Variants in PKIB observed in about 807,000 individuals in gnomAD.
PKIB encodes the protein cAMP-dependent protein kinase inhibitor beta.
A neutral mutation model predicts 4.5 loss-of-function variants in PKIB; 2 were observed. The observed-to-expected ratio is 0.44, with a 90% CI of 0.18 to 1.39. The LOEUF is 1.39. Among genes scored for constraint, PKIB ranks in the 40% most tolerant of loss-of-function variants. The pLI is 0.27. For synonymous variants in PKIB, 38 were observed against 36.0 expected, an observed-to-expected ratio of 1.06 and a Z score of -0.20; for missense variants, 94 against 92.6, an observed-to-expected ratio of 1.02 and a Z score of -0.06.
chr6:122,565,416 A>T (rs940709008), intron 2 of PKIB, among the ~76,000 whole-genome samples: 1 of 152,174 alleles, frequency 6.6e-6, no homozygotes, highest in Non-Finnish European at 1.5e-5. Context: ...GGTTATTTGA[A>T]TCTCAGCTGT....
At chr6:122,540,899 C>T (rs1305759019) in intron 2 of PKIB, among the ~76,000 whole-genome samples, 4 of 151,048 alleles carry the variant, frequency 2.6e-5, no homozygotes, top group African/African-American at 4.9e-5. Context: ...GGATAGTTAG[C>T]TCTTCTTGTT....
At chr6:122,596,332 C>A (rs966723694) in intron 3 of PKIB, among the ~76,000 whole-genome samples, 1 of 152,182 alleles carries the variant, frequency 6.6e-6, no homozygotes, top group Non-Finnish European at 1.5e-5. Context: ...ATGAGGCCAT[C>A]GGTGCAGGCT....
chr6:122,704,290 T>C (rs1026046801), intron 3 of PKIB, among the ~76,000 whole-genome samples: 5 of 152,224 alleles, frequency 3.3e-5, no homozygotes, highest in African/African-American at 9.6e-5. Flanking sequence ...ATGTTAATCT[T>C]TTCTGGAAAC....
At position 122,533,331 on chromosome 6, in the gene PKIB, A is replaced by T. The variant is rs563131701; in HGVS notation, c.-247-52590A>T. Among the ~76,000 whole-genome samples, 339 of 151,996 alleles carry T rather than the reference A, an allele frequency of 2.2e-3. 2 individuals carry two copies. Among genetic ancestry groups the T allele is most frequent in the African/African-American group, 7.5e-3 (313 of 41,470 alleles). On this transcript the variant is annotated intron_variant, in intron 2 of 6. Coordinates refer to the PKIB transcript ENST00000392491. The stretch of plus-strand genomic sequence containing the variant: ...ACTATAGGCGTATACCACCGTGCCT[A>T]GCTAATTTGTGTATTTTTTGTAGAA...
At chr6:122,531,839 C>T (rs2114618318) in intron 2 of PKIB, among the ~76,000 whole-genome samples, 1 of 152,302 alleles carries the variant, frequency 6.6e-6, no homozygotes, top group South Asian at 2.1e-4. Context: ...CTTTAGCACT[C>T]AGCATTGTGC....
At chr6:122,534,932 T>G (rs938273917) in intron 2 of PKIB, among the ~76,000 whole-genome samples, 9 of 152,200 alleles carry the variant, frequency 5.9e-5, no homozygotes, top group African/African-American at 2.2e-4. Flanking sequence ...TCTCCAGATT[T>G]GTGATATCCT....
chr6:122,695,420 G>A (rs557254217), intron 3 of PKIB, among the ~76,000 whole-genome samples: 10 of 113,538 alleles, frequency 8.8e-5, no homozygotes, highest in African/African-American at 2.6e-4. Flanking sequence ...TAGGTATAGA[G>A]AACAAAAAAT....
At chr6:122,634,063 G>A (rs1414210114) in intron 2 of PKIB, among the ~76,000 whole-genome samples, 2 of 151,910 alleles carry the variant, frequency 1.3e-5, no homozygotes, top group East Asian at 1.9e-4. Context: ...TCATATTGCA[G>A]TCTTATTAGT....
intron 4 of PKIB, among the ~76,000 whole-genome samples, chr6:122,721,529 A>G (rs1407424229): frequency 6.6e-6 from 1 of 152,096 alleles, no homozygotes; most frequent in African/African-American, 2.4e-5. Context: ...TCTCTCATTT[A>G]TTTGGCCATC....
At chr6:122,713,598 T>A (rs930262394) in intron 3 of PKIB, among the ~76,000 whole-genome samples, 5 of 152,188 alleles carry the variant, frequency 3.3e-5, no homozygotes, top group Non-Finnish European at 7.4e-5. Context: ...GAGAGATGGC[T>A]ACTGGGGGAA....
chr6:122,554,633 T>G (rs1286162414), intron 2 of PKIB, among the ~76,000 whole-genome samples: 1 of 152,230 alleles, frequency 6.6e-6, no homozygotes, highest in African/African-American at 2.4e-5. Flanking sequence ...ACAGCCAGTA[T>G]GTTGGAAAAC....
chr6:122,613,101 A>T (rs1202585343), intron 1 of PKIB, among the ~76,000 whole-genome samples: 1 of 152,222 alleles, frequency 6.6e-6, no homozygotes, highest in Non-Finnish European at 1.5e-5. Context: ...CTAAATGAGC[A>T]TGAATCAGGC....
chr6:122,594,668 T>G (rs1774119682), intron 3 of PKIB, among the ~76,000 whole-genome samples: 1 of 152,206 alleles, frequency 6.6e-6, no homozygotes, highest in East Asian at 1.9e-4. Flanking sequence ...TCCCTTTACC[T>G]TCAGCAAGTA....
chr6:122,686,683 G>C (rs1313167189), intron 3 of PKIB, among the ~76,000 whole-genome samples: 1 of 151,884 alleles, frequency 6.6e-6, no homozygotes, highest in Non-Finnish European at 1.5e-5. Context: ...TTTCTGTAAA[G>C]ATGGAGTCCC....
chr6:122,587,347 G>A (rs1050582600), intron 3 of PKIB, among the ~76,000 whole-genome samples: 2 of 152,140 alleles, frequency 1.3e-5, no homozygotes, highest in Non-Finnish European at 2.9e-5. Context: ...CCCTACAAAG[G>A]ACATGAACTC....
chr6:122,590,008 A>G (rs996722735), intron 3 of PKIB, among the ~76,000 whole-genome samples: 1 of 152,160 alleles, frequency 6.6e-6, no homozygotes, highest in African/African-American at 2.4e-5. Flanking sequence ...ATATGTTTTG[A>G]TATTAATAGA....
At chr6:122,693,759 C>A (rs1345004358) in intron 3 of PKIB, among the ~76,000 whole-genome samples, 1 of 152,106 alleles carries the variant, frequency 6.6e-6, no homozygotes, top group African/African-American at 2.4e-5. Context: ...TCTTGCCTCT[C>A]GGGAGATTTT....
chr6:122,472,453 CAT>C (rs10535596), intron 1 of PKIB, among the ~76,000 whole-genome samples: 85,043 of 151,840 alleles, frequency 0.56, 23,997 homozygotes, highest in South Asian at 0.68. Flanking sequence ...CAAACTCAAA[CAT>C]TGATTTCGAA....
intron 2 of PKIB, among the ~76,000 whole-genome samples, chr6:122,516,226 A>G (rs1269950978): frequency 1.3e-5 from 2 of 152,094 alleles, no homozygotes; most frequent in Non-Finnish European, 2.9e-5. Context: ...GTAAGTATGG[A>G]GCTGTCTTCT....
Sources: gnomAD v4.1 joint callset for allele counts (sites outside exome capture counted in the v4.1 genomes callset) on GRCh38, gnomAD v4.1.1 for gene constraint, MANE v1.5 for transcripts, NCBI Gene and HGNC (gene_info 2026-07-23, HGNC 2026-07-21) for gene names.